The following ARHGEF11 variants were observed in gnomAD, a reference collection of about 807,000 sequenced individuals.
ARHGEF11 encodes the protein Rho guanine exchange factor (GEF) 11.
In ARHGEF11, 55 loss-of-function variants were observed where a neutral mutation model predicts 193.7. The ratio of observed to expected loss-of-function variants is 0.28; its 90% CI spans 0.23 to 0.36. ARHGEF11 has a LOEUF of 0.36. ARHGEF11 is among the 10% of genes least tolerant of loss of function. The pLI is 1.00. For synonymous variants in ARHGEF11, 693 were observed against 768.0 expected (o/e 0.90, Z 1.62); for missense variants, 1,723 against 2,005.6 (o/e 0.86, Z 2.69).
At chr1:156,982,204 T>A (rs1417900965) in intron 3 of ARHGEF11, among the ~76,000 whole-genome samples, 2 of 152,004 alleles carry the variant, frequency 1.3e-5, no homozygotes, top group Non-Finnish European at 2.9e-5. Context: ...TTTTTTTTTT[T>A]AAACTAAACT....
chr1:157,007,874 T>C (rs952553037), intron 1 of ARHGEF11, among the ~76,000 whole-genome samples: 6 of 151,900 alleles, frequency 3.9e-5, no homozygotes, highest in Non-Finnish European at 7.4e-5. Flanking sequence ...GTTTAGAATG[T>C]AATGTAAGCT....
In ARHGEF11 at chr1:157,008,981, G is replaced by T. The variant is rs757760850; in HGVS notation, c.33-22808C>A. Among the ~76,000 whole-genome samples, 141 of 152,318 alleles carry T rather than the reference G, an allele frequency of 9.3e-4. 1 individual carries two copies. The highest frequency in any genetic ancestry group is 3.4e-3 in the Middle Eastern group (1 of 294). On this transcript the variant is annotated intron_variant, in intron 1 of 40. Transcript: ENST00000368194. Reference sequence around the variant, plus strand: ...TCAAAGGCTTTTCCTCCTAGCTATTGTTGAACTACAAGATTGCACTCAGGA... The same window carrying T: ...TCAAAGGCTTTTCCTCCTAGCTATTTTTGAACTACAAGATTGCACTCAGGA...
chr1:156,981,215 T>TAA (rs1356815361), intron 3 of ARHGEF11, among the ~76,000 whole-genome samples: 5 of 131,648 alleles, frequency 3.8e-5, no homozygotes, highest in East Asian at 5.1e-4. Flanking sequence ...AAAAAAAATT[T>TAA]TTTTTTTTGT....
At chr1:156,999,222 A>G (rs1257004719) in intron 1 of ARHGEF11, among the ~76,000 whole-genome samples, 1 of 152,226 alleles carries the variant, frequency 6.6e-6, no homozygotes, top group Non-Finnish European at 1.5e-5. Context: ...CTGGTGAGAT[A>G]ACAGTGTTAT....
At chr1:157,043,883 C>G (rs1380221902) in intron 1 of ARHGEF11, among the ~76,000 whole-genome samples, 1 of 152,196 alleles carries the variant, frequency 6.6e-6, no homozygotes, top group South Asian at 2.1e-4. Flanking sequence ...CTGGTGGAGG[C>G]CCACGCCTCT....
intron 1 of ARHGEF11, among the ~76,000 whole-genome samples, chr1:157,024,142 C>T (rs1210431926): frequency 6.6e-6 from 1 of 152,168 alleles, no homozygotes; most frequent in East Asian, 1.9e-4. Context: ...CACAATGAAC[C>T]TTTAAAGTAT....
chr1:156,945,233 T>C, intron 29 of ARHGEF11, 36 bp from the exon 30 acceptor site: 1 of 1,596,562 alleles, frequency 6.3e-7, no homozygotes, highest in Middle Eastern at 1.8e-4. Flanking sequence ...TTGGGGCTCC[T>C]GCCTGAGAAG....
chr1:156,949,114 T>C, intron 22 of ARHGEF11: 2 of 985,302 alleles, frequency 2.0e-6, no homozygotes, highest in Non-Finnish European at 2.4e-6. Context: ...TCCATTCTTA[T>C]CTTAACAATA....
In ARHGEF11 at chr1:156,948,207, A is replaced by G; in HGVS notation, c.2127T>C (p.Pro709=). Residue 709 remains proline (P), a synonymous_variant, in exon 24 of 41, where the codon CCT becomes CCC. Transcript: ENST00000368194. The surrounding 1 kb of genome is among the most constrained non-coding windows in gnomAD (Gnocchi z 4.2). ...LSTRSLENPT[P]PFTPKMGRRS... is the part of the protein sequence containing the mutation. Reference sequence around the variant, plus strand: ...TGCGGCCCATTTTGGGAGTGAATGGAGGGGTTGGGTTCTCAAGAGACCTGT... The same window carrying G: ...TGCGGCCCATTTTGGGAGTGAATGGGGGGGTTGGGTTCTCAAGAGACCTGT... 6.3e-7 allele frequency: 1 copy of G among 1,579,112 alleles called. No individual in the cohort carries two copies. Among genetic ancestry groups the G allele is most frequent in the Non-Finnish European group, 8.6e-7 (1 of 1,160,702 alleles).
At position 156,936,947 on chromosome 1, in the gene ARHGEF11, C is replaced by A. The variant is rs1215355867; in HGVS notation, c.4499G>T (p.Gly1500Val). Residue 1500 changes from glycine (G) to valine (V), a missense_variant, in exon 40 of 41, where the codon GGC becomes GTC. Gly to Val is a moderately radical substitution (Grantham distance 109). Around this residue, in one of 5 missense-constraint regions of ARHGEF11, gnomAD observed 360 missense variants for 344.4 expected, o/e 1.05. Transcript: ENST00000368194. ...LKSLGGESSG[G>V]TTPVGSFHTE... is the part of the protein sequence containing the mutation. ...GTGGAAACTGCCCACAGGCGTGGTG[C>A]CACCAGATGACTCTCCCCCAAGGGA... The A allele has an allele frequency of 2.5e-6, 4 of 1,613,974 alleles. No homozygotes were observed. The highest frequency in any genetic ancestry group is 3.4e-6 in the Non-Finnish European group (4 of 1,180,036).
rs758729680 is a variant in ARHGEF11, at chr1:156,963,253, G to C, written c.1090C>G (p.Leu364Val). 3.1e-6 allele frequency: 5 copies of C among 1,614,162 alleles called. No homozygotes were observed. The Admixed American group carries it at 8.3e-5, about 27-fold the overall frequency. The change falls in exon 13 of 41, where the codon CTG (leucine) becomes GTG (valine). Residue 364 changes from leucine to valine, a missense_variant. By Grantham distance (32) the Leu-to-Val change is conservative. Transcript: ENST00000368194. ...AAGATGTAACGTAGAAAAACCCCCA[G>C]GTGAGCTGGCCGAGACTTCAGTTTC... ...LEKLKSRPAHLGVFLRYIFSQ... is the reference protein window; with the variant it reads ...LEKLKSRPAHVGVFLRYIFSQ...
chr1:156,935,384 G>C lies in ARHGEF11; in HGVS notation c.*616C>G, dbSNP rs1419396860. 6.6e-6 allele frequency: 1 copy of C among 152,188 alleles called. No homozygotes were observed. The highest frequency in any genetic ancestry group is 1.5e-5 in the Non-Finnish European group (1 of 68,048). 9.4% of individuals were successfully genotyped at this position (152,188 alleles called of 1,614,324 possible). On this transcript the variant is annotated 3_prime_UTR_variant, in exon 41 of 41. Coordinates refer to ENST00000368194, the MANE Select transcript of ARHGEF11 (RefSeq NM_198236.3). ...CAGGCCTGGCTCCCGCTTTAGGCTC[G>C]ATCCTGGAACTGGGTTGTTAACTAA...
At chr1:156,963,820 T>TG in intron 11 of ARHGEF11, 1 of 1,351,542 alleles carries the variant, frequency 7.4e-7, no homozygotes, top group African/African-American at 1.5e-5. Context: ...CAGAGCAGCC[T>TG]GGTCACATGA....
chr1:156,951,885 C>T (rs896602234), intron 21 of ARHGEF11, among the ~76,000 whole-genome samples, 186 bp from the exon 22 acceptor site: 1 of 152,116 alleles, frequency 6.6e-6, no homozygotes, highest in Admixed American at 6.5e-5. Flanking sequence ...TGGCCCTGGG[C>T]AGTCACACTA....
In ARHGEF11 at chr1:156,945,101, C is replaced by T. The variant is rs772471518; in HGVS notation, c.2909G>A (p.Arg970His). 8.7e-6 allele frequency: 14 copies of T among 1,614,128 alleles called. No homozygotes were observed. Among genetic ancestry groups the T allele is most frequent in the South Asian group, 4.4e-5 (4 of 91,078 alleles). ...VNEAVKQTEN[R>H]HRLEGYQKRL... ...TTTCTGGTAGCCCTCTAAACGGTGG[C>T]GGTTCTCTGTTTGTTTTACCGCTTC... Residue 970 changes from arginine to histidine, a missense_variant, in exon 30 of 41, where the codon CGC (arginine) becomes CAC (histidine). Arg to His is a conservative substitution (Grantham distance 29). Coordinates refer to ENST00000368194, the MANE Select transcript of ARHGEF11 (RefSeq NM_198236.3).
chr1:156,968,423 T>C (rs1422295135), intron 10 of ARHGEF11, among the ~76,000 whole-genome samples: 1 of 152,194 alleles, frequency 6.6e-6, no homozygotes, highest in African/African-American at 2.4e-5. Flanking sequence ...ATCCTGGACT[T>C]AACCCAGGCA....
At chr1:156,942,566 C>A in intron 33 of ARHGEF11, 124 bp downstream of exon 33, 1 of 833,472 alleles carries the variant, frequency 1.2e-6, no homozygotes, top group Non-Finnish European at 1.9e-6. Flanking sequence ...CCACTTCCTT[C>A]CCAACCCCTT....
At chr1:156,946,536 C>T (rs904387854) in intron 28 of ARHGEF11, 126 bp downstream of exon 28, 11 of 1,318,770 alleles carry the variant, frequency 8.3e-6, no homozygotes, top group South Asian at 2.6e-5. Context: ...TTTTGAGGAG[C>T]GTGTGTCGAA....
intron 1 of ARHGEF11, 118 bp downstream of exon 1, chr1:157,044,181 C>T: frequency 1.1e-6 from 1 of 933,576 alleles, no homozygotes; most frequent in Non-Finnish European, 1.7e-6. Flanking sequence ...GCTCCTAGCC[C>T]ACCAATTCCC....
Sources: allele counts gnomAD v4.1 joint callset (sites outside exome capture counted in the v4.1 genomes callset), GRCh38; gene constraint gnomAD v4.1.1; regional missense constraint gnomAD v4.1.1; non-coding constraint Gnocchi (gnomAD v3.1); transcripts MANE v1.5; gene names NCBI Gene and HGNC (gene_info 2026-07-23, HGNC 2026-07-21).